FYB1: variants seen among roughly 807,000 people sequenced by gnomAD.
The protein encoded by FYB1 is FYN binding protein 1, also known as FYN-binding protein 1.
Under a neutral mutation model 94.1 loss-of-function variants are expected in FYB1, and 41 were observed. The observed-to-expected ratio is 0.44, with a 90% CI of 0.34 to 0.57. The LOEUF (loss-of-function observed/expected upper bound fraction) is 0.57, where lower values mean the gene tolerates loss of function less well. Among genes scored for constraint, FYB1 ranks in the 20% least tolerant of loss-of-function variants. FYB1 has a pLI of 0.02. For missense variants in FYB1, 1,050 were observed against 976.8 expected (o/e 1.07, Z -1.00); for synonymous variants, 367 against 353.2 (o/e 1.04, Z -0.44).
chr5:39,256,969 C>T (rs1172357482), intron 1 of FYB1, among the ~76,000 whole-genome samples: 4 of 152,206 alleles, frequency 2.6e-5, no homozygotes, highest in Non-Finnish European at 5.9e-5. Flanking sequence ...CATGTAAGTT[C>T]AGCCTCCCAA....
chr5:39,238,845 C>G (rs929426099), intron 1 of FYB1, among the ~76,000 whole-genome samples: 13 of 152,092 alleles, frequency 8.5e-5, no homozygotes, highest in African/African-American at 3.1e-4. Context: ...CTTTAAACCA[C>G]TTCTCCTTGT....
At chr5:39,181,366 A>G (rs1445873835) in intron 2 of FYB1, among the ~76,000 whole-genome samples, 1 of 140,912 alleles carries the variant, frequency 7.1e-6, no homozygotes, top group African/African-American at 2.5e-5. Context: ...GCAACTGAGG[A>G]GCTGAATTTT....
At chr5:39,166,028 G>A (rs1432333570) in intron 2 of FYB1, among the ~76,000 whole-genome samples, 2 of 152,150 alleles carry the variant, frequency 1.3e-5, no homozygotes, top group Non-Finnish European at 2.9e-5. Flanking sequence ...ACCGTTGGTG[G>A]GAATGTATAT....
chr5:39,125,437 C>T (rs190874470), intron 12 of FYB1, among the ~76,000 whole-genome samples: 128 of 152,114 alleles, frequency 8.4e-4, no homozygotes, highest in African/African-American at 3.0e-3. Context: ...GTTTAGAATA[C>T]TTTTAGTATA....
chr5:39,209,921 A>G (rs1405645380), intron 1 of FYB1, among the ~76,000 whole-genome samples: 2 of 152,208 alleles, frequency 1.3e-5, no homozygotes, highest in Non-Finnish European at 2.9e-5. Flanking sequence ...AGCACTTGCC[A>G]ATTGAATATC....
At chr5:39,132,160 T>C (rs1251392806) in intron 9 of FYB1, among the ~76,000 whole-genome samples, 3 of 152,136 alleles carry the variant, frequency 2.0e-5, no homozygotes, top group East Asian at 1.9e-4. Flanking sequence ...CTCCCGGAGT[T>C]TGAAGCACTC....
At chr5:39,116,890 T>C (rs1378659536) in intron 16 of FYB1, among the ~76,000 whole-genome samples, 1 of 151,966 alleles carries the variant, frequency 6.6e-6, no homozygotes, top group Non-Finnish European at 1.5e-5. Context: ...TTCAACAAGA[T>C]CCCCATTGAT....
chr5:39,118,964 T>C lies in FYB1; in HGVS notation c.2311A>G (p.Arg771Gly), dbSNP rs897807123. ...TCACCAGGTTTTACCTGTAGATCTCTGGTTCCCCACTTTTTAGAAGTTATG... is the reference window on the plus strand; with the variant it reads ...TCACCAGGTTTTACCTGTAGATCTCCGGTTCCCCACTTTTTAGAAGTTATG... ...TSITSKKWGTRDLQVKPGESL... is the reference protein window; with the variant it reads ...TSITSKKWGTGDLQVKPGESL... The change falls in exon 16 of 19, where the codon AGA (arginine) becomes GGA (glycine). Residue 771 changes from arginine to glycine, a missense_variant. Transcript: ENST00000512982. 2 of 1,573,842 alleles carry C rather than the reference T, an allele frequency of 1.3e-6. No homozygotes were observed. The highest frequency in any genetic ancestry group is 1.7e-6 in the Non-Finnish European group (2 of 1,153,228).
chr5:39,122,381 T>A lies in FYB1; in HGVS notation c.2093A>T (p.Asp698Val). The change falls in exon 14 of 19, where the codon GAT becomes GTT. Residue 698 changes from aspartate (D) to valine (V), a missense_variant. Transcript: ENST00000512982. ...AGGGAAATCAGAGGTATCCACATCA[T>A]CGTAAACTTCATCTCCCATGTCTAA... ...KQLDMGDEVY[D>V]DVDTSDFPVS... 6.3e-7 allele frequency: 1 copy of A among 1,579,576 alleles called. No homozygotes were observed. Among genetic ancestry groups the A allele is most frequent in the East Asian group, 2.3e-5 (1 of 44,056 alleles).
intron 1 of FYB1, among the ~76,000 whole-genome samples, chr5:39,271,755 A>G (rs1193297700): frequency 6.6e-6 from 1 of 152,250 alleles, no homozygotes; most frequent in Non-Finnish European, 1.5e-5. Flanking sequence ...GATTGTCCTG[A>G]AAACTTTACA....
intron 1 of FYB1, among the ~76,000 whole-genome samples, chr5:39,211,513 GGGTTTCACCGT>G (rs2150525989): frequency 6.6e-6 from 1 of 152,098 alleles, no homozygotes; most frequent in South Asian, 2.1e-4. Context: ...AGCAGAGACA[GGGTTTCACCGT>G]GGTTTAGATC....
chr5:39,270,514 G>A (rs936839455), intron 1 of FYB1: 6 of 1,500,474 alleles, frequency 4.0e-6, no homozygotes, highest in African/African-American at 1.4e-5. Context: ...TCTATGCAGA[G>A]AAGAGTAGCA....
chr5:39,118,482 A>T (rs1006261990), intron 16 of FYB1, among the ~76,000 whole-genome samples: 1 of 152,148 alleles, frequency 6.6e-6, no homozygotes, highest in Non-Finnish European at 1.5e-5. Flanking sequence ...TGAACAAGCT[A>T]GGGAAAAAGT....
rs181474784 is a variant in FYB1, at chr5:39,252,231, T to C, written c.-28+22172A>G. Among the ~76,000 whole-genome samples, 33 of 151,916 alleles carry C rather than the reference T, an allele frequency of 2.2e-4. No individual in the cohort carries two copies. In the South Asian group the frequency reaches 2.3e-3, roughly 11 times the overall value. On this transcript the variant is annotated intron_variant, in intron 1 of 1. Transcript: ENST00000510188. ...CTCAAAACAGAGTCATAATGTGTAA[T>C]AATTCTAAAGATAACAAAAACAGGG...
At chr5:39,160,603 A>G (rs1195030126) in intron 2 of FYB1, among the ~76,000 whole-genome samples, 1 of 152,238 alleles carries the variant, frequency 6.6e-6, no homozygotes. Context: ...GGGCTTGACT[A>G]CTAATCCCAC....
chr5:39,174,930 T>C (rs1294772700), intron 2 of FYB1, among the ~76,000 whole-genome samples: 1 of 152,204 alleles, frequency 6.6e-6, no homozygotes, highest in African/African-American at 2.4e-5. Context: ...GGGAGACCTC[T>C]TCTCCCATAG....
intron 1 of FYB1, among the ~76,000 whole-genome samples, chr5:39,257,739 G>C (rs1752019100): frequency 6.6e-6 from 1 of 151,684 alleles, no homozygotes; most frequent in African/African-American, 2.4e-5. Flanking sequence ...GTGATGATCA[G>C]AATGGGCTAA....
At position 39,190,945 on chromosome 5, in the gene FYB1, A is replaced by G. The variant is rs192397578; in HGVS notation, c.1135+10881T>C. The stretch of plus-strand genomic sequence containing the variant: ...ACTGAGAGCACATGAGGCAACCTCA[A>G]CTTTTTAAAGGTGACAATTTCGAAG... On this transcript the variant is annotated intron_variant, in intron 2 of 18. Coordinates refer to ENST00000512982, the MANE Select transcript of FYB1 (RefSeq NM_001465.6). 1.9e-3 allele frequency among the ~76,000 whole-genome samples: 291 copies of G among 152,298 alleles called. 1 individual carries two copies. Among genetic ancestry groups the G allele is most frequent in the African/African-American group, 6.4e-3 (268 of 41,554 alleles).
rs576333729 is a variant in FYB1 at position 39,234,142 on chromosome 5, C to G, written c.-27-31155G>C. On this transcript the variant is annotated intron_variant, in intron 1 of 1. Coordinates refer to the FYB1 transcript ENST00000510188. ...TTCCACTTAGTTCCATATTCACTGCCCCATCACCACAGCACATATGTCAGG... is the reference window on the plus strand; with the variant it reads ...TTCCACTTAGTTCCATATTCACTGCGCCATCACCACAGCACATATGTCAGG... Among the ~76,000 whole-genome samples the G allele has an allele frequency of 4.6e-5, 7 of 152,154 alleles. No individual in the cohort carries two copies. The East Asian group carries it at 1.2e-3, about 25-fold the overall frequency.
Sources: allele counts gnomAD v4.1 joint callset (sites outside exome capture counted in the v4.1 genomes callset), GRCh38; gene constraint gnomAD v4.1.1; transcripts MANE v1.5; gene names NCBI Gene and HGNC (gene_info 2026-07-23, HGNC 2026-07-21).